Variants in ATP9A observed in about 807,000 individuals in gnomAD.
The protein encoded by ATP9A is probable phospholipid-transporting ATPase IIA.
Under a neutral mutation model 144.1 loss-of-function variants are expected in ATP9A, and 52 were observed. The ratio of observed to expected loss-of-function variants is 0.36; its 90% confidence interval spans 0.29 to 0.45. The LOEUF (loss-of-function observed/expected upper bound fraction) is 0.45, where lower values mean the gene tolerates loss of function less well. ATP9A is among the 20% of genes least tolerant of loss of function. The pLI, the probability that ATP9A is intolerant of heterozygous loss-of-function variation, is 1.00. For missense variants in ATP9A, 947 were observed against 1,392.7 expected (o/e 0.68, Z 5.09); for synonymous variants, 582 against 557.4 (o/e 1.04, Z -0.62).
intron 14 of ATP9A, among the ~76,000 whole-genome samples, chr20:51,654,119 A>G (rs1026660740): frequency 6.6e-6 from 1 of 152,078 alleles, no homozygotes; most frequent in African/African-American, 2.4e-5. Flanking sequence ...TTCTGCACAC[A>G]ATTCCCATCT....
At chr20:51,612,861 G>T (rs2077189853) in intron 23 of ATP9A, among the ~76,000 whole-genome samples, 1 of 152,198 alleles carries the variant, frequency 6.6e-6, no homozygotes, top group Admixed American at 6.5e-5. Flanking sequence ...ATTAAACTCA[G>T]TTCCCCTACT....
chr20:51,764,289 T>C (rs1265593620), intron 1 of ATP9A, among the ~76,000 whole-genome samples: 1 of 152,224 alleles, frequency 6.6e-6, no homozygotes. Context: ...AAATAATCCC[T>C]GCCATTTCAC....
At chr20:51,648,119 C>A (rs2077349127) in intron 14 of ATP9A, among the ~76,000 whole-genome samples, 1 of 152,210 alleles carries the variant, frequency 6.6e-6, no homozygotes, top group Non-Finnish European at 1.5e-5. Flanking sequence ...CATTCATGCA[C>A]ACATCTGAAT....
At chr20:51,699,829 G>A (rs1456610272) in intron 4 of ATP9A, among the ~76,000 whole-genome samples, 2 of 151,976 alleles carry the variant, frequency 1.3e-5, no homozygotes, top group Non-Finnish European at 2.9e-5. Context: ...TTTTAGTAGA[G>A]ACGGGGTTTC....
chr20:51,642,725 CCAAAAAAAAAAAAAAAAAAAAAA>C (rs1307136380), intron 14 of ATP9A, among the ~76,000 whole-genome samples: 29 of 65,598 alleles, frequency 4.4e-4, no homozygotes, highest in Non-Finnish European at 7.4e-4. Flanking sequence ...GACTCTGTCT[CCAAAAAAAAAAAAAAAAAAAAAA>C]AAAAAAAAAA....
chr20:51,621,021 C>T (rs1485026625), intron 19 of ATP9A, among the ~76,000 whole-genome samples: 1 of 151,976 alleles, frequency 6.6e-6, no homozygotes, highest in Non-Finnish European at 1.5e-5. Flanking sequence ...GTGGCAGGCG[C>T]CTGTAATCCC....
At chr20:51,647,890 G>C (rs1253963509) in intron 14 of ATP9A, among the ~76,000 whole-genome samples, 1 of 152,168 alleles carries the variant, frequency 6.6e-6, no homozygotes, top group Non-Finnish European at 1.5e-5. Flanking sequence ...GTAAAACACT[G>C]TCCAGCCCTG....
At chr20:51,745,635 G>A (rs1402797921) in intron 1 of ATP9A, among the ~76,000 whole-genome samples, 1 of 152,022 alleles carries the variant, frequency 6.6e-6, no homozygotes, top group Non-Finnish European at 1.5e-5. Context: ...CAATGCCCAG[G>A]AGACCCCCCA....
chr20:51,671,327 T>G, intron 11 of ATP9A, 70 bp from the exon 12 acceptor site: 6 of 1,554,646 alleles, frequency 3.9e-6, no homozygotes, highest in Non-Finnish European at 5.3e-6. Flanking sequence ...TATAAAAACA[T>G]GGACTCTAAA....
intron 14 of ATP9A, among the ~76,000 whole-genome samples, chr20:51,647,643 T>C (rs1396136853): frequency 2.0e-5 from 3 of 151,962 alleles, no homozygotes; most frequent in Non-Finnish European, 2.9e-5. Context: ...GGCAGGAGAA[T>C]AGCTGGAACC....
rs1272394592 is a variant in ATP9A at position 51,650,714 on chromosome 20, G to A, written c.1506+6224C>T. 3.9e-5 allele frequency among the ~76,000 whole-genome samples: 6 copies of A among 152,070 alleles called. No homozygotes were observed. In the East Asian group the frequency reaches 7.7e-4, roughly 20 times the overall value. ...AGGAGAGCAACAGGCTTCTCACTCT[G>A]TGCCATGAGCATGTGCTAGCCATGG... On this transcript the variant is annotated intron_variant, in intron 14 of 27. Transcript: ENST00000338821.
At chr20:51,702,483 G>C (rs912069842) in intron 4 of ATP9A, among the ~76,000 whole-genome samples, 1 of 151,674 alleles carries the variant, frequency 6.6e-6, no homozygotes, top group Admixed American at 6.6e-5. Flanking sequence ...TAAAAAAGCA[G>C]ATACTGTTAT....
At chr20:51,607,925 T>C (rs2077169924) in intron 25 of ATP9A, among the ~76,000 whole-genome samples, 1 of 151,152 alleles carries the variant, frequency 6.6e-6, no homozygotes, top group African/African-American at 2.4e-5. Flanking sequence ...ACGCCTGTAA[T>C]CCCAGCTACT....
intron 13 of ATP9A, among the ~76,000 whole-genome samples, chr20:51,658,023 TA>T: frequency 6.6e-6 from 1 of 152,352 alleles, no homozygotes; most frequent in South Asian, 2.1e-4. Context: ...AGGAATGGGT[TA>T]AGTCTTGGAA....
Position 51,762,654 on chromosome 20 carries a change from T to C in ATP9A, c.68+5648A>G, listed in dbSNP as rs1338435991. Among the ~76,000 whole-genome samples, 7 of 150,252 alleles carry C rather than the reference T, an allele frequency of 4.7e-5. No homozygotes were observed. The South Asian group carries it at 1.5e-3, about 32-fold the overall frequency. On this transcript the variant is annotated intron_variant, in intron 1 of 27. Transcript: ENST00000338821. ...AGCCTGGGTGACAAGAGCGAGACCC[T>C]GTCTAAAAACAAACAAACAAAAAGA...
chr20:51,636,469 G>A (rs138897770), intron 15 of ATP9A, among the ~76,000 whole-genome samples: 256 of 152,302 alleles, frequency 1.7e-3, no homozygotes, highest in African/African-American at 2.7e-3. Flanking sequence ...GAAGCAATAC[G>A]TAGTTAATAT....
chr20:51,668,129 T>TGGGGGGGGGGG (rs2077441241), intron 13 of ATP9A, among the ~76,000 whole-genome samples: 1 of 702 alleles, frequency 1.4e-3, no homozygotes, highest in African/African-American at 2.9e-3. Context: ...GGCGAGGGGC[T>TGGGGGGGGGGG]GGGGGAGGGG....
chr20:51,665,369 T>C (rs533878114), intron 13 of ATP9A, among the ~76,000 whole-genome samples: 50 of 152,176 alleles, frequency 3.3e-4, no homozygotes, highest in Non-Finnish European at 6.5e-4. Context: ...CAGAATCATA[T>C]GCTTAAAAGA....
intron 10 of ATP9A, 33 bp from the exon 11 acceptor site, chr20:51,674,346 T>A: frequency 3.1e-6 from 5 of 1,607,660 alleles, no homozygotes; most frequent in Non-Finnish European, 4.2e-6. Context: ...GGGCTTGAGA[T>A]GAGCTGGTGT....
Sources: allele counts gnomAD v4.1 joint callset (sites outside exome capture counted in the v4.1 genomes callset), GRCh38; gene constraint gnomAD v4.1.1; transcripts MANE v1.5; gene names NCBI Gene and HGNC (gene_info 2026-07-23, HGNC 2026-07-21).